The following TRPC4AP variants were observed in gnomAD, a reference collection of about 807,000 sequenced individuals.
TRPC4AP encodes transient receptor potential cation channel subfamily C member 4 associated protein.
Under a neutral mutation model 99.0 loss-of-function variants are expected in TRPC4AP, and 45 were observed. The observed-to-expected ratio is 0.45, with a 90% CI of 0.36 to 0.58. The LOEUF (loss-of-function observed/expected upper bound fraction) is 0.58. Ranked by LOEUF, TRPC4AP falls within the 20% of genes least tolerant of loss-of-function variation. The pLI, the probability that TRPC4AP is intolerant of heterozygous loss-of-function variation, is 0.00. For synonymous variants in TRPC4AP, 408 were observed against 385.8 expected (o/e 1.06, Z -0.67); for missense variants, 879 against 985.3 (o/e 0.89, Z 1.44).
intron 2 of TRPC4AP, among the ~76,000 whole-genome samples, chr20:35,069,656 A>T (rs1330038438): frequency 6.6e-6 from 1 of 152,200 alleles, no homozygotes; most frequent in Non-Finnish European, 1.5e-5. Flanking sequence ...TTCCAGCACA[A>T]GCCTTAAGAA....
At chr20:35,060,314 T>C (rs1040726034) in intron 3 of TRPC4AP, among the ~76,000 whole-genome samples, 7 of 152,038 alleles carry the variant, frequency 4.6e-5, no homozygotes, top group East Asian at 3.8e-4. Flanking sequence ...ACTCCACGCA[T>C]GATGGCTTAT....
intron 5 of TRPC4AP, among the ~76,000 whole-genome samples, chr20:35,053,503 C>A (rs1367244869): frequency 6.6e-6 from 1 of 152,116 alleles, no homozygotes. Flanking sequence ...TCTTATTGGC[C>A]TTAGTTGCAA....
intron 7 of TRPC4AP, among the ~76,000 whole-genome samples, chr20:35,036,036 C>A (rs2083308765): frequency 6.6e-6 from 1 of 151,386 alleles, no homozygotes. Context: ...GAAAGATAAA[C>A]ATTTTTTTAA....
chr20:35,007,006 G>C (rs901381954), intron 14 of TRPC4AP, among the ~76,000 whole-genome samples: 2 of 152,232 alleles, frequency 1.3e-5, no homozygotes, highest in African/African-American at 4.8e-5. Context: ...TTGTGTTTAT[G>C]AACGAAATTG....
intron 8 of TRPC4AP, among the ~76,000 whole-genome samples, chr20:35,026,397 T>G (rs561714994): frequency 4.6e-5 from 7 of 152,212 alleles, no homozygotes; most frequent in Non-Finnish European, 7.4e-5. Flanking sequence ...AAATTTTTTA[T>G]AGAGACAGGG....
chr20:35,080,138 A>C (rs566190579), intron 1 of TRPC4AP, among the ~76,000 whole-genome samples: 12 of 152,284 alleles, frequency 7.9e-5, no homozygotes, highest in African/African-American at 2.9e-4. Flanking sequence ...CAAAAAAAGT[A>C]ATGATGTACT....
intron 7 of TRPC4AP, among the ~76,000 whole-genome samples, chr20:35,035,914 A>G (rs1234637887): frequency 6.6e-6 from 1 of 152,256 alleles, no homozygotes; most frequent in Admixed American, 6.5e-5. Flanking sequence ...ATGAAAGCAT[A>G]TATACCAAGG....
At chr20:35,081,683 G>C (rs950828492) in intron 1 of TRPC4AP, among the ~76,000 whole-genome samples, 2 of 152,008 alleles carry the variant, frequency 1.3e-5, no homozygotes, top group African/African-American at 4.8e-5. Flanking sequence ...AAATCAGCAA[G>C]AGCAAAGAAA....
chr20:35,086,103 C>T (rs1001582141), intron 1 of TRPC4AP, among the ~76,000 whole-genome samples: 17 of 149,990 alleles, frequency 1.1e-4, no homozygotes, highest in African/African-American at 4.2e-4. Flanking sequence ...ATTACAGGCA[C>T]GCACCACCAC....
At chr20:35,021,400 GA>G in intron 8 of TRPC4AP, 44 bp from the exon 9 acceptor site, 1 of 1,599,812 alleles carries the variant, frequency 6.3e-7, no homozygotes, top group Non-Finnish European at 8.5e-7. Flanking sequence ...AGCTTGTGAG[GA>G]AACACGTTTC....
rs116392543 is a variant in TRPC4AP at position 35,047,972 on chromosome 20, T to G, written c.657+1894A>C. 4.4e-3 allele frequency among the ~76,000 whole-genome samples: 669 copies of G among 152,316 alleles called. 3 individuals carry two copies. The highest frequency in any genetic ancestry group is 0.015 in the African/African-American group (642 of 41,570). On this transcript the variant is annotated intron_variant, in intron 6 of 18. Coordinates refer to ENST00000252015, the MANE Select transcript of TRPC4AP (RefSeq NM_015638.3). ...AACAAAAAAAAAGAGGATATTCTGC[T>G]GATAAACATTTATCAGTAGTATACA...
intron 3 of TRPC4AP, among the ~76,000 whole-genome samples, chr20:35,067,016 C>T (rs1371403182): frequency 6.6e-6 from 1 of 152,118 alleles, no homozygotes; most frequent in Non-Finnish European, 1.5e-5. Context: ...ACTCTTACAA[C>T]ACAATATTCA....
At chr20:35,086,493 ATATGTGTATATATATGTG>A in intron 1 of TRPC4AP, among the ~76,000 whole-genome samples, 1 of 132,594 alleles carries the variant, frequency 7.5e-6, no homozygotes, top group African/African-American at 2.9e-5. Context: ...GTGTATATAT[ATATGTGTATATATATGTG>A]TGTGTGTGTA....
At chr20:35,022,723 G>A (rs1438486633) in intron 8 of TRPC4AP, among the ~76,000 whole-genome samples, 1 of 152,114 alleles carries the variant, frequency 6.6e-6, no homozygotes, top group Non-Finnish European at 1.5e-5. Flanking sequence ...CAAGACAGAA[G>A]ACCCTAACTT....
Position 35,021,233 on chromosome 20 carries a change from A to G in TRPC4AP, c.1175T>C (p.Leu392Pro), listed in dbSNP as rs1173962656. Residue 392 changes from leucine (L) to proline (P), a missense_variant, in exon 9 of 19, where the codon CTC becomes CCC. Coordinates refer to ENST00000252015, the MANE Select transcript of TRPC4AP (RefSeq NM_015638.3). ...CATCAGCAGCACGCAGAGGACATAGAGCACTTCCAGTTTGTACATGATCTC... is the reference window on the plus strand; with the variant it reads ...CATCAGCAGCACGCAGAGGACATAGGGCACTTCCAGTTTGTACATGATCTC... Reference protein sequence around the residue: ...MHEIMYKLEVLYVLCVLLMGR... With the variant: ...MHEIMYKLEVPYVLCVLLMGR... 2 of 1,614,126 alleles carry G rather than the reference A, an allele frequency of 1.2e-6. No homozygotes were observed. Among genetic ancestry groups the G allele is most frequent in the Non-Finnish European group, 8.5e-7 (1 of 1,180,022 alleles).
chr20:35,052,099 T>G (rs994744532), intron 5 of TRPC4AP, among the ~76,000 whole-genome samples: 3 of 96,428 alleles, frequency 3.1e-5, no homozygotes, highest in South Asian at 4.0e-4. Context: ...TTTTTTTTGG[T>G]TTTTTTTTTT....
Position 35,007,536 on chromosome 20 carries a change from G to A in TRPC4AP, c.1686+14C>T. 1 of 1,613,662 alleles carries A rather than the reference G, an allele frequency of 6.2e-7. No individual in the cohort carries two copies. The highest frequency in any genetic ancestry group is 8.5e-7 in the Non-Finnish European group (1 of 1,179,594). The stretch of plus-strand genomic sequence containing the variant: ...GGAGACGGAACCCAAGACACTGGCT[G>A]CTCCAGATCATACCTCCAAGAGGCC... On this transcript the variant is annotated intron_variant, in intron 14 of 18. Coordinates refer to ENST00000252015, the MANE Select transcript of TRPC4AP (RefSeq NM_015638.3).
intron 17 of TRPC4AP, 128 bp from the exon 18 acceptor site, chr20:35,003,744 GCA>G (rs2082449846): frequency 9.9e-7 from 1 of 1,007,602 alleles, no homozygotes; most frequent in South Asian, 1.6e-5. Flanking sequence ...AGCTCTCCCT[GCA>G]CAGAGGTGAG....
chr20:35,078,801 C>T lies in TRPC4AP; in HGVS notation c.169-627G>A, dbSNP rs184312146. On this transcript the variant is annotated intron_variant, in intron 1 of 18. Coordinates refer to ENST00000252015, the MANE Select transcript of TRPC4AP (RefSeq NM_015638.3). ...AGGGAAAAGGCCAGGCACGGTGGCT[C>T]ACACCTGTAATCCCAACACTTTGGG... Among the ~76,000 whole-genome samples, 3 of 152,294 alleles carry T rather than the reference C, an allele frequency of 2.0e-5. No homozygotes were observed. In the East Asian group the frequency reaches 5.8e-4, roughly 29 times the overall value.
Sources: gnomAD v4.1 joint callset for allele counts (sites outside exome capture counted in the v4.1 genomes callset) on GRCh38, gnomAD v4.1.1 for gene constraint, MANE v1.5 for transcripts, NCBI Gene and HGNC (gene_info 2026-07-23, HGNC 2026-07-21) for gene names.